The following LRRC7 variants were observed in gnomAD, a reference collection of about 807,000 sequenced individuals.
LRRC7 encodes the protein leucine-rich repeat-containing protein 7.
In LRRC7, 23 loss-of-function variants were observed where a neutral mutation model predicts 175.7. The observed-to-expected ratio is 0.13, with a 90% CI of 0.09 to 0.19. The LOEUF is 0.19. Among genes scored for constraint, LRRC7 ranks in the 10% least tolerant of loss-of-function variants. The probability of loss-of-function intolerance (pLI) is 1.00; values close to 1 mark genes in which losing one functional copy is unlikely to be tolerated. For missense variants in LRRC7, 1,354 were observed against 1,904.7 expected (o/e 0.71, Z 5.38); for synonymous variants, 685 against 680.9 (o/e 1.01, Z -0.09).
intron 17 of LRRC7, among the ~76,000 whole-genome samples, chr1:70,024,905 A>T (rs1657922385): frequency 6.6e-6 from 1 of 152,148 alleles, no homozygotes; most frequent in African/African-American, 2.4e-5. Flanking sequence ...TAAAAATTAT[A>T]AAATATTGTG....
chr1:69,764,726 T>TAGACAGACAGACAGACAGACAGAC (rs36159703), intron 3 of LRRC7, among the ~76,000 whole-genome samples: 63 of 142,544 alleles, frequency 4.4e-4, no homozygotes, highest in African/African-American at 1.6e-3. Context: ...GGTAGATAGA[T>TAGACAGACAGACAGACAGACAGAC]AGACAGATAG....
chr1:69,781,886 G>A (rs147142195), intron 3 of LRRC7, among the ~76,000 whole-genome samples: 1 of 132,386 alleles, frequency 7.6e-6, no homozygotes, highest in African/African-American at 2.9e-5. Context: ...GAAAGAAAAG[G>A]AAGGAAGGAA....
At chr1:69,569,906 CAAAAAA>C (rs71071364) in intron 1 of LRRC7, among the ~76,000 whole-genome samples, 1 of 87,092 alleles carries the variant, frequency 1.1e-5, no homozygotes, top group East Asian at 3.7e-4. Context: ...AAAGGAATTA[CAAAAAA>C]AAAAAAAAAA....
chr1:69,631,812 A>T (rs1652549837), intron 1 of LRRC7, among the ~76,000 whole-genome samples: 1 of 151,800 alleles, frequency 6.6e-6, no homozygotes, highest in Non-Finnish European at 1.5e-5. Context: ...TGCTTGATAA[A>T]CTCAAACTCA....
chr1:69,730,405 A>T (rs1230071879), intron 2 of LRRC7, among the ~76,000 whole-genome samples: 2 of 152,160 alleles, frequency 1.3e-5, no homozygotes, highest in Non-Finnish European at 2.9e-5. Flanking sequence ...CTTCCATCAG[A>T]TACCCTAAAT....
chr1:69,873,780 G>A (rs1387355436), intron 7 of LRRC7: 1 of 156,620 alleles, frequency 6.4e-6, no homozygotes, highest in Admixed American at 6.3e-5. Context: ...AATGTGTTCA[G>A]TTGCCATAAC....
At chr1:69,854,769 A>G (rs1683393520) in intron 7 of LRRC7, among the ~76,000 whole-genome samples, 1 of 152,182 alleles carries the variant, frequency 6.6e-6, no homozygotes, top group South Asian at 2.1e-4. Context: ...TACAAATTTT[A>G]AAAATATGCC....
chr1:70,065,918 G>A (rs996304529), intron 23 of LRRC7, among the ~76,000 whole-genome samples: 8 of 151,934 alleles, frequency 5.3e-5, no homozygotes, highest in African/African-American at 1.9e-4. Context: ...AAGAAGCAAG[G>A]AGTTGAGTGA....
intron 25 of LRRC7, among the ~76,000 whole-genome samples, chr1:70,107,289 C>T (rs1665209894): frequency 6.6e-6 from 1 of 152,070 alleles, no homozygotes; most frequent in Non-Finnish European, 1.5e-5. Flanking sequence ...TTAAAATAAA[C>T]CAGTCGTATA....
At chr1:69,898,054 G>C (rs1019695032) in intron 7 of LRRC7, among the ~76,000 whole-genome samples, 7 of 152,186 alleles carry the variant, frequency 4.6e-5, no homozygotes, top group African/African-American at 1.4e-4. Context: ...CCTTGAACTA[G>C]AGCTATAAAG....
At chr1:69,855,883 G>A (rs994044005) in intron 7 of LRRC7, among the ~76,000 whole-genome samples, 1 of 152,092 alleles carries the variant, frequency 6.6e-6, no homozygotes, top group Non-Finnish European at 1.5e-5. Flanking sequence ...TTAGGTAATG[G>A]CCTTCTTTGT....
rs772478402 is a variant in LRRC7 at position 69,764,750 on chromosome 1, T to C, written c.303+4357T>C. Reference sequence around the variant, plus strand: ...ATAGACAGATAGATAGATAGATAGATAGATAGATAGATAGATAGATAGATA... The same window carrying C: ...ATAGACAGATAGATAGATAGATAGACAGATAGATAGATAGATAGATAGATA... On this transcript the variant is annotated intron_variant, in intron 3 of 26. Coordinates refer to ENST00000651989, the MANE Select transcript of LRRC7 (RefSeq NM_001370785.2). Among the ~76,000 whole-genome samples the C allele has an allele frequency of 7.5e-4, 110 of 146,268 alleles. 1 individual carries two copies. The highest frequency in any genetic ancestry group is 3.5e-3 in the Middle Eastern group (1 of 288).
chr1:69,990,591 T>C (rs1037256747), intron 10 of LRRC7, among the ~76,000 whole-genome samples: 1 of 152,108 alleles, frequency 6.6e-6, no homozygotes, highest in Non-Finnish European at 1.5e-5. Flanking sequence ...CTAGAAATAC[T>C]GCATAACTTT....
intron 7 of LRRC7, among the ~76,000 whole-genome samples, chr1:69,892,630 C>T (rs546367976): frequency 1.3e-5 from 2 of 152,208 alleles, no homozygotes; most frequent in East Asian, 1.9e-4. Flanking sequence ...TCCCTTATTC[C>T]ATAATAATGA....
chr1:69,645,216 C>A (rs1654837269), intron 1 of LRRC7, among the ~76,000 whole-genome samples: 1 of 151,898 alleles, frequency 6.6e-6, no homozygotes, highest in Non-Finnish European at 1.5e-5. Flanking sequence ...CCAAAGGAAT[C>A]TATAAAGCCA....
rs551536562 is a variant in LRRC7 at position 69,744,957 on chromosome 1, T to C, written c.101-15234T>C. 1.7e-4 allele frequency among the ~76,000 whole-genome samples: 26 copies of C among 152,004 alleles called. No homozygotes were observed. The South Asian group carries it at 5.4e-3, about 31-fold the overall frequency. Reference sequence around the variant, plus strand: ...CCCTTTATTTAATCATTTACATGGTTCTCTTATAATGGATCCACCTGCTCA... The same window carrying C: ...CCCTTTATTTAATCATTTACATGGTCCTCTTATAATGGATCCACCTGCTCA... On this transcript the variant is annotated intron_variant, in intron 2 of 26. Coordinates refer to ENST00000651989, the MANE Select transcript of LRRC7 (RefSeq NM_001370785.2).
intron 1 of LRRC7, among the ~76,000 whole-genome samples, chr1:69,664,578 T>C (rs907349294): frequency 6.6e-6 from 1 of 152,202 alleles, no homozygotes; most frequent in African/African-American, 2.4e-5. Context: ...CCACATTTCA[T>C]ATAATTATTT....
chr1:70,028,249 G>A lies in LRRC7; in HGVS notation c.1873G>A (p.Val625Met), dbSNP rs759293934. 1.2e-6 allele frequency: 2 copies of A among 1,613,624 alleles called. No individual in the cohort carries two copies. Among genetic ancestry groups the A allele is most frequent in the East Asian group, 4.5e-5 (2 of 44,844 alleles). The change falls in exon 18 of 27, where the codon GTG (valine) becomes ATG (methionine). Residue 625 changes from valine to methionine, a missense_variant. Val to Met is a conservative substitution (Grantham distance 21). Coordinates refer to ENST00000651989, the MANE Select transcript of LRRC7 (RefSeq NM_001370785.2). ...TATGGTAAAATCTGTTCAAAATTTGGTGGGTAAGCCAAGCCATGGAGTGCG... is the reference window on the plus strand; with the variant it reads ...TATGGTAAAATCTGTTCAAAATTTGATGGGTAAGCCAAGCCATGGAGTGCG... ...KNMVKSVQNL[V>M]GKPSHGVRVE... is the part of the protein sequence containing the mutation.
At chr1:69,734,319 A>C (rs1472492549) in intron 2 of LRRC7, among the ~76,000 whole-genome samples, 3 of 152,040 alleles carry the variant, frequency 2.0e-5, no homozygotes, top group Admixed American at 6.6e-5. Context: ...AGAAGGGATG[A>C]TTTTGAATAT....
Sources: allele counts gnomAD v4.1 joint callset (sites outside exome capture counted in the v4.1 genomes callset), GRCh38; gene constraint gnomAD v4.1.1; transcripts MANE v1.5; gene names NCBI Gene and HGNC (gene_info 2026-07-23, HGNC 2026-07-21).